ZNF248: variants seen among roughly 807,000 people sequenced by gnomAD.
ZNF248 encodes the protein zinc finger protein 248.
In ZNF248, 20 loss-of-function variants were observed where a neutral mutation model predicts 44.3. The ratio of observed to expected loss-of-function variants is 0.45; its 90% confidence interval spans 0.32 to 0.66. The LOEUF (loss-of-function observed/expected upper bound fraction) is 0.66, where lower values mean the gene tolerates loss of function less well. ZNF248 is among the 30% of genes least tolerant of loss of function. The pLI, the probability that ZNF248 is intolerant of heterozygous loss-of-function variation, is 0.04. For synonymous variants in ZNF248, 224 were observed against 229.0 expected, an observed-to-expected ratio of 0.98 and a Z score of 0.20; for missense variants, 654 against 677.0, an observed-to-expected ratio of 0.97 and a Z score of 0.38.
Position 37,856,507 on chromosome 10 carries a change from T to C in ZNF248, c.-100A>G. On this transcript the variant is annotated 5_prime_UTR_variant, in exon 2 of 6. Coordinates refer to ENST00000395867, the MANE Select transcript of ZNF248 (RefSeq NM_021045.3). ...TTCACTGAGTGAATGTAAATATTTC[T>C]TATTGATTTATTACCAATTTAGGTT... 8.1e-7 allele frequency: 1 copy of C among 1,232,632 alleles called. No individual in the cohort carries two copies. Among genetic ancestry groups the C allele is most frequent in the Non-Finnish European group, 1.0e-6 (1 of 985,696 alleles). The allele number at this position is 1,232,632 out of a possible 1,614,324, so 76.4% of individuals were successfully genotyped here.
At chr10:37,766,234 C>T in the ZNF248 span, among the ~76,000 whole-genome samples, 2 of 152,226 alleles carry the variant, frequency 1.3e-5, no homozygotes, top group African/African-American at 2.4e-5. Flanking sequence ...CTTAAATGTC[C>T]CTGTCTGACA....
intron 3 of ZNF248, among the ~76,000 whole-genome samples, chr10:37,839,383 C>T (rs78241521): frequency 0.023 from 3,497 of 152,202 alleles, 144 homozygotes; most frequent in African/African-American, 0.08. Flanking sequence ...TCAGTAACAA[C>T]TGACACACCT....
intron 5 of ZNF248, among the ~76,000 whole-genome samples, chr10:37,837,301 G>A: frequency 6.6e-6 from 1 of 152,146 alleles, no homozygotes; most frequent in African/African-American, 2.4e-5. Context: ...TTTTAGTAGA[G>A]ACGGGGTTTC....
downstream of ZNF248, among the ~76,000 whole-genome samples, chr10:37,772,071 C>T (rs1433945913): frequency 6.6e-6 from 1 of 152,082 alleles, no homozygotes. Flanking sequence ...TCGAGACCAG[C>T]ATGACCAACA....
the ZNF248 span, among the ~76,000 whole-genome samples, chr10:37,764,961 C>CTT: frequency 2.8e-5 from 4 of 145,372 alleles, no homozygotes; most frequent in African/African-American, 7.9e-5. Context: ...CTTTTTGAGC[C>CTT]TTTTTTTTTT....
At chr10:37,827,981 T>C (rs2054653862), downstream of ZNF248, among the ~76,000 whole-genome samples, 1 of 152,228 alleles carries the variant, frequency 6.6e-6, no homozygotes, top group Non-Finnish European at 1.5e-5. Context: ...ATTAGTCATT[T>C]CAGAAATCAC....
chr10:37,766,446 T>A, the ZNF248 span, among the ~76,000 whole-genome samples: 3 of 152,176 alleles, frequency 2.0e-5, no homozygotes, highest in African/African-American at 7.2e-5. Context: ...CATTTGCGGT[T>A]CACCAAGATC....
Position 37,831,246 on chromosome 10 carries a change from C to T in ZNF248, c.*369G>A, listed in dbSNP as rs2055541574. ...TGCATACTCACATAAGGTCTACAAA[C>T]ATCGGGGACTCTTCACATATATGTT... On this transcript the variant is annotated 3_prime_UTR_variant, in exon 6 of 6. Transcript: ENST00000395867. 1 of 1,549,162 alleles carries T rather than the reference C, an allele frequency of 6.5e-7. No individual in the cohort carries two copies. Among genetic ancestry groups the T allele is most frequent in the Non-Finnish European group, 8.7e-7 (1 of 1,146,060 alleles).
At position 37,830,046 on chromosome 10, in the gene ZNF248, G is replaced by A; in HGVS notation, c.*1569C>T. ...GGGGGCAAAAGAAACAACAGGACAA[G>A]GGAGGCAGAGATACTCTAAAATACT... is the stretch of plus-strand genomic sequence containing the variant. On this transcript the variant is annotated 3_prime_UTR_variant, in exon 6 of 6. Coordinates refer to ENST00000395867, the MANE Select transcript of ZNF248 (RefSeq NM_021045.3). The A allele has an allele frequency of 4.1e-6, 4 of 985,422 alleles. No individual in the cohort carries two copies. Among genetic ancestry groups the A allele is most frequent in the Non-Finnish European group, 3.6e-6 (3 of 829,936 alleles). 61.0% of individuals were successfully genotyped at this position (985,422 alleles called of 1,614,324 possible).
chr10:37,788,788 C>T (rs552449553), intron 6 of ZNF248, among the ~76,000 whole-genome samples: 5 of 151,868 alleles, frequency 3.3e-5, no homozygotes, highest in African/African-American at 1.2e-4. Flanking sequence ...GGAACCCCTA[C>T]AATATGGATG....
chr10:37,766,097 C>G, the ZNF248 span, among the ~76,000 whole-genome samples: 3 of 152,268 alleles, frequency 2.0e-5, no homozygotes, highest in Non-Finnish European at 2.9e-5. Context: ...ATTAGGTAAA[C>G]AAAGCAGCCA....
intron 6 of ZNF248, among the ~76,000 whole-genome samples, chr10:37,797,395 T>C (rs1390476716): frequency 6.6e-6 from 1 of 152,048 alleles, no homozygotes; most frequent in Non-Finnish European, 1.5e-5. Context: ...TTAGATTAGG[T>C]AGTGGTTTCT....
At chr10:37,765,447 G>A in the ZNF248 span, among the ~76,000 whole-genome samples, 1 of 152,138 alleles carries the variant, frequency 6.6e-6, no homozygotes, top group Non-Finnish European at 1.5e-5. Flanking sequence ...GTATTTCCAG[G>A]TGGTCCACAC....
At chr10:37,822,647 T>C (rs181532141) in intron 6 of ZNF248, among the ~76,000 whole-genome samples, 142 of 144,224 alleles carry the variant, frequency 9.8e-4, no homozygotes, top group African/African-American at 3.7e-3. Context: ...TGTCCAATCT[T>C]GATCAGGGGT....
chr10:37,832,197 C>T lies in ZNF248; in HGVS notation c.1158G>A (p.Gly386=). Reference sequence around the variant, plus strand: ...GGTTTGACTTCTCCCAGAAGGTTTTCCCACATTCACCACATTCAAAGGTTT... The same window carrying T: ...GGTTTGACTTCTCCCAGAAGGTTTTTCCACATTCACCACATTCAAAGGTTT... ...GEKTFECGEC[G]KTFWEKSNLT... is the part of the protein sequence containing the mutation. The change falls in exon 6 of 6, where the codon GGG becomes GGA. Residue 386 remains glycine, a synonymous_variant. Coordinates refer to ENST00000395867, the MANE Select transcript of ZNF248 (RefSeq NM_021045.3). The T allele has an allele frequency of 6.2e-7, 1 of 1,614,056 alleles. No individual in the cohort carries two copies. Among genetic ancestry groups the T allele is most frequent in the East Asian group, 2.2e-5 (1 of 44,872 alleles).
At chr10:37,782,633 A>G (rs2047441198) in intron 6 of ZNF248, among the ~76,000 whole-genome samples, 1 of 152,162 alleles carries the variant, frequency 6.6e-6, no homozygotes, top group African/African-American at 2.4e-5. Context: ...TTTTCTAATG[A>G]CTGGTGTCCT....
chr10:37,774,067 G>A (rs1320026521), downstream of ZNF248, among the ~76,000 whole-genome samples: 3 of 151,998 alleles, frequency 2.0e-5, no homozygotes, highest in Non-Finnish European at 4.4e-5. Context: ...GATTGACACA[G>A]GGCTTAGGGC....
intron 6 of ZNF248, among the ~76,000 whole-genome samples, chr10:37,779,925 A>G (rs1323761472): frequency 6.6e-6 from 1 of 151,056 alleles, no homozygotes; most frequent in African/African-American, 2.4e-5. Context: ...ATTGCTTCAA[A>G]GAGAATAAAA....
At chr10:37,768,508 C>A in the ZNF248 span, among the ~76,000 whole-genome samples, 1 of 152,178 alleles carries the variant, frequency 6.6e-6, no homozygotes, top group Non-Finnish European at 1.5e-5. Context: ...GAACAACCTG[C>A]TCCTGAATGA....
Sources: allele counts gnomAD v4.1 joint callset (sites outside exome capture counted in the v4.1 genomes callset), GRCh38; gene constraint gnomAD v4.1.1; transcripts MANE v1.5; gene names NCBI Gene and HGNC (gene_info 2026-07-23, HGNC 2026-07-21).